PBRM1: variants seen among roughly 807,000 people sequenced by gnomAD.
PBRM1 encodes the protein protein polybromo-1.
In PBRM1, 27 loss-of-function variants were observed where a neutral mutation model predicts 194.5. The ratio of observed to expected loss-of-function variants is 0.14; its 90% CI spans 0.10 to 0.19. PBRM1 has a LOEUF of 0.19. PBRM1 is among the 10% of genes least tolerant of loss of function. The pLI is 1.00. For missense variants in PBRM1, 1,466 were observed against 2,077.2 expected, an observed-to-expected ratio of 0.71 and a Z score of 5.72; for synonymous variants, 655 against 693.2, an observed-to-expected ratio of 0.94 and a Z score of 0.87.
intron 17 of PBRM1, among the ~76,000 whole-genome samples, chr3:52,595,563 A>G (rs1195644675): frequency 6.6e-6 from 1 of 152,250 alleles, no homozygotes; most frequent in African/African-American, 2.4e-5. Flanking sequence ...TTCCTCATAC[A>G]TTCTGGTAAC....
At chr3:52,622,968 C>G (rs2095331271) in intron 13 of PBRM1, among the ~76,000 whole-genome samples, 1 of 152,174 alleles carries the variant, frequency 6.6e-6, no homozygotes, top group Non-Finnish European at 1.5e-5. Context: ...ATTTAATCTT[C>G]AAATTCAGAA....
intron 11 of PBRM1, 123 bp downstream of exon 12, chr3:52,634,479 A>G (rs1577167203): frequency 5.8e-6 from 3 of 513,888 alleles, no homozygotes; most frequent in East Asian, 3.5e-5. Context: ...TTAAAATTTG[A>G]GGTTAAAAAA....
At chr3:52,547,622 A>G (rs886269275), downstream of PBRM1, 16 of 233,792 alleles carry the variant, frequency 6.8e-5, no homozygotes, top group African/African-American at 3.3e-4. Flanking sequence ...ACATTTCATT[A>G]TCAATTTAAA....
chr3:52,613,041 T>C (rs556332779), intron 15 of PBRM1, among the ~76,000 whole-genome samples: 1 of 152,252 alleles, frequency 6.6e-6, no homozygotes, highest in Non-Finnish European at 1.5e-5. Flanking sequence ...AAGTATTAGA[T>C]GAAACCAAGA....
At chr3:52,561,027 C>A (rs936286787) in intron 25 of PBRM1, among the ~76,000 whole-genome samples, 1 of 151,906 alleles carries the variant, frequency 6.6e-6, no homozygotes, top group Admixed American at 6.6e-5. Flanking sequence ...CAAAGGGCAA[C>A]AGTACTGCCT....
rs756532468 is a variant in PBRM1, at chr3:52,648,307, C to T, written c.813+37G>A. The T allele has an allele frequency of 1.9e-5, 23 of 1,181,624 alleles. No individual in the cohort carries two copies. The African/African-American group carries it at 3.4e-4, about 17-fold the overall frequency. The allele number at this position is 1,181,624 out of a possible 1,614,324, so 73.2% of individuals were successfully genotyped here. On this transcript the variant is annotated intron_variant, in intron 7 of 29. Transcript: ENST00000296302. Reference sequence around the variant, plus strand: ...CTGACCTTAAATTATCTACTATTACCAAGGAAAACAACAACAACAACAACA... The same window carrying T: ...CTGACCTTAAATTATCTACTATTACTAAGGAAAACAACAACAACAACAACA...
intron 1 of PBRM1, 98 bp from the exon 3 acceptor site, chr3:52,678,695 A>G (rs2097154730): frequency 1.4e-6 from 1 of 694,762 alleles, no homozygotes; most frequent in Non-Finnish European, 2.5e-6. Flanking sequence ...AAAGGCAAGT[A>G]GAGAAGAAAA....
At chr3:52,637,570 T>A (rs978296306) in intron 10 of PBRM1, among the ~76,000 whole-genome samples, 3 of 151,476 alleles carry the variant, frequency 2.0e-5, no homozygotes, top group Non-Finnish European at 4.4e-5. Context: ...GAGGTGGAGG[T>A]TGCAGTGAGC....
intron 21 of PBRM1, among the ~76,000 whole-genome samples, chr3:52,576,915 T>C (rs2089778516): frequency 6.6e-6 from 1 of 152,168 alleles, no homozygotes; most frequent in African/African-American, 2.4e-5. Context: ...TTTTTCCAAG[T>C]GAAAAAAATT....
intron 29 of PBRM1, among the ~76,000 whole-genome samples, chr3:52,549,500 A>AAAAAC (rs539563533): frequency 2.0e-4 from 30 of 152,288 alleles, no homozygotes; most frequent in East Asian, 7.7e-4. Flanking sequence ...CAAATGCCTG[A>AAAAAC]AAAACAAAAC....
chr3:52,623,621 C>G (rs1002095707), intron 13 of PBRM1, among the ~76,000 whole-genome samples: 1 of 152,194 alleles, frequency 6.6e-6, no homozygotes, highest in Non-Finnish European at 1.5e-5. Context: ...AAATAAACAG[C>G]TACATTTACT....
At chr3:52,618,332 G>C (rs1241092236) in intron 13 of PBRM1, among the ~76,000 whole-genome samples, 1 of 152,120 alleles carries the variant, frequency 6.6e-6, no homozygotes, top group East Asian at 1.9e-4. Flanking sequence ...AGTTCAAAAG[G>C]GCTCCAAGAG....
chr3:52,636,321 T>C (rs1261282800), intron 10 of PBRM1, among the ~76,000 whole-genome samples: 1 of 152,130 alleles, frequency 6.6e-6, no homozygotes, highest in Non-Finnish European at 1.5e-5. Context: ...CAAAACGTAA[T>C]TATTTTTATA....
chr3:52,550,184 C>G (rs2080581039), intron 29 of PBRM1, among the ~76,000 whole-genome samples: 1 of 152,194 alleles, frequency 6.6e-6, no homozygotes, highest in Admixed American at 6.5e-5. Flanking sequence ...CGCCACTGCA[C>G]TCCAGCCTAG....
chr3:52,642,775 C>A (rs369595250), intron 9 of PBRM1, among the ~76,000 whole-genome samples: 4 of 151,586 alleles, frequency 2.6e-5, no homozygotes, highest in African/African-American at 9.7e-5. Flanking sequence ...ATAAGGCCTA[C>A]GTTAGTAATT....
chr3:52,637,879 G>A (rs1268627346), intron 10 of PBRM1, among the ~76,000 whole-genome samples: 1 of 150,972 alleles, frequency 6.6e-6, no homozygotes, highest in African/African-American at 2.4e-5. Context: ...CTGGGAGGCA[G>A]AGGTTGCCAT....
chr3:52,658,229 G>A lies in PBRM1; in HGVS notation c.615C>T (p.Ser205=), dbSNP rs150801998. 8.7e-4 allele frequency: 1,396 copies of A among 1,607,972 alleles called. 2 individuals are homozygous for A. Among genetic ancestry groups the A allele is most frequent in the Non-Finnish European group, 1.1e-3 (1,281 of 1,174,558 alleles). Residue 205 remains serine (S), a synonymous_variant, in exon 5 of 30, where the codon AGC becomes AGT. Coordinates refer to ENST00000296302, the Ensembl canonical transcript of PBRM1. ...TAGAAGGCAGTTTCTGAAAAAGTTC[G>A]CTAATGAGACGTCCTGATGGATTTG...
intron 10 of PBRM1, among the ~76,000 whole-genome samples, chr3:52,635,951 C>T (rs572222422): frequency 6.6e-6 from 1 of 152,254 alleles, no homozygotes; most frequent in East Asian, 1.9e-4. Flanking sequence ...GCAACCTCCG[C>T]CTCCTGAGTT....
chr3:52,653,742 T>A (rs1008376888), intron 5 of PBRM1, among the ~76,000 whole-genome samples: 3 of 151,636 alleles, frequency 2.0e-5, no homozygotes, highest in Non-Finnish European at 4.4e-5. Context: ...AAACCCCGTC[T>A]CTACTAAAAA....
Sources: gnomAD v4.1 joint callset for allele counts (sites outside exome capture counted in the v4.1 genomes callset) on GRCh38, gnomAD v4.1.1 for gene constraint, MANE v1.5 for transcripts, NCBI Gene and HGNC (gene_info 2026-07-23, HGNC 2026-07-21) for gene names.